DOK6: variants seen among roughly 807,000 people sequenced by gnomAD.
The protein encoded by DOK6 is docking protein 6.
A neutral mutation model predicts 44.0 loss-of-function variants in DOK6; 22 were observed. That is an observed-to-expected ratio of 0.50 (90% confidence interval 0.36 to 0.71). The LOEUF is 0.71. DOK6 is among the 30% of genes least tolerant of loss of function. The pLI, the probability that DOK6 is intolerant of heterozygous loss-of-function variation, is 0.00. For missense variants in DOK6, 340 were observed against 416.4 expected (o/e 0.82, Z 1.60); for synonymous variants, 166 against 145.5 (o/e 1.14, Z -1.01).
At chr18:69,795,156 C>A (rs1980708324) in intron 7 of DOK6, among the ~76,000 whole-genome samples, 1 of 152,102 alleles carries the variant, frequency 6.6e-6, no homozygotes, top group Non-Finnish European at 1.5e-5. Flanking sequence ...GATATAGTTT[C>A]ATTTACAATA....
chr18:69,432,656 A>G (rs1417823457), intron 1 of DOK6, among the ~76,000 whole-genome samples: 1 of 152,220 alleles, frequency 6.6e-6, no homozygotes, highest in Admixed American at 6.5e-5. Flanking sequence ...TTGAGTAATT[A>G]TATAATGACT....
intron 3 of DOK6, among the ~76,000 whole-genome samples, chr18:69,654,790 G>A (rs1985319820): frequency 6.6e-6 from 1 of 152,186 alleles, no homozygotes; most frequent in African/African-American, 2.4e-5. Context: ...GGACACAGTG[G>A]TGCACGCCTG....
At chr18:69,710,598 C>T (rs919867513) in intron 5 of DOK6, among the ~76,000 whole-genome samples, 5 of 151,968 alleles carry the variant, frequency 3.3e-5, no homozygotes, top group South Asian at 2.1e-4. Context: ...TCTTTTGACC[C>T]GAGGAGATAT....
intron 3 of DOK6, among the ~76,000 whole-genome samples, chr18:69,611,103 A>AAG (rs59865503): frequency 0.94 from 142,541 of 152,050 alleles, 67,488 homozygotes; most frequent in East Asian, 1. Context: ...ACAAAAAAGA[A>AAG]AGAAGATAAA....
intron 3 of DOK6, among the ~76,000 whole-genome samples, chr18:69,606,829 T>TCTCGGCCCACTGCAAC (rs1251026355): frequency 5.5e-5 from 8 of 146,062 alleles, no homozygotes; most frequent in Non-Finnish European, 1.2e-4. Flanking sequence ...AGTGGCGCAA[T>TCTCGGCCCACTGCAAC]CTCGGCCCAC....
chr18:69,498,864 A>G (rs969652828), intron 1 of DOK6, among the ~76,000 whole-genome samples: 10 of 152,192 alleles, frequency 6.6e-5, no homozygotes, highest in Non-Finnish European at 1.5e-5. Flanking sequence ...CTGCCTGAAA[A>G]CAAATTTTCC....
chr18:69,832,219 C>A (rs1162255533), intron 7 of DOK6, among the ~76,000 whole-genome samples: 1 of 152,090 alleles, frequency 6.6e-6, no homozygotes, highest in Non-Finnish European at 1.5e-5. Flanking sequence ...ATACCCAATT[C>A]TTTGAGGGTT....
intron 1 of DOK6, among the ~76,000 whole-genome samples, chr18:69,410,892 T>A (rs1459056477): frequency 6.6e-6 from 1 of 152,190 alleles, no homozygotes; most frequent in African/African-American, 2.4e-5. Flanking sequence ...GAGTCAGTTT[T>A]GTATTCTTCA....
intron 1 of DOK6, among the ~76,000 whole-genome samples, chr18:69,528,984 C>G (rs1404125365): frequency 6.6e-6 from 1 of 152,148 alleles, no homozygotes. Flanking sequence ...AACTGCATTT[C>G]TAGAATTCCA....
At chr18:69,824,509 G>A (rs921983614) in intron 7 of DOK6, among the ~76,000 whole-genome samples, 2 of 151,720 alleles carry the variant, frequency 1.3e-5, no homozygotes, top group African/African-American at 2.4e-5. Context: ...ACCAAGGCAC[G>A]TGCCACCATG....
chr18:69,604,453 A>G (rs1983948483), intron 3 of DOK6, among the ~76,000 whole-genome samples: 1 of 152,242 alleles, frequency 6.6e-6, no homozygotes. Context: ...CTGAAGTTAG[A>G]TACAAATGTT....
intron 5 of DOK6, among the ~76,000 whole-genome samples, chr18:69,720,446 G>C (rs915136808): frequency 1.3e-5 from 2 of 152,086 alleles, no homozygotes; most frequent in Admixed American, 1.3e-4. Flanking sequence ...TCAAAAAATT[G>C]CTCAGGTGAT....
At chr18:69,712,183 A>G (rs988858658) in intron 5 of DOK6, among the ~76,000 whole-genome samples, 28 of 143,494 alleles carry the variant, frequency 2.0e-4, no homozygotes, top group Admixed American at 1.0e-3. Context: ...TGGGAGGCTG[A>G]GGCAGGAGAA....
At chr18:69,796,037 T>G (rs1980735388) in intron 7 of DOK6, among the ~76,000 whole-genome samples, 3 of 152,204 alleles carry the variant, frequency 2.0e-5, no homozygotes, top group Admixed American at 1.3e-4. Flanking sequence ...AAGAGAGAAA[T>G]GAAATGTCAC....
rs569812914 is a variant in DOK6, at chr18:69,615,323, G to A, written c.289+15825G>A. 9.2e-5 allele frequency among the ~76,000 whole-genome samples: 14 copies of A among 152,276 alleles called. No individual in the cohort carries two copies. In the East Asian group the frequency reaches 2.7e-3, roughly 29 times the overall value. ...AGTGATGTCAGTCCAGCACTTTTAT[G>A]AACATTCCATTACTTTGGGGATAAT... On this transcript the variant is annotated intron_variant, in intron 3 of 7. Transcript: ENST00000382713.
intron 2 of DOK6, among the ~76,000 whole-genome samples, chr18:69,575,671 G>C (rs150783098): frequency 6.6e-6 from 1 of 152,042 alleles, no homozygotes; most frequent in Admixed American, 6.6e-5. Context: ...AATGTTAAAA[G>C]ACTAAACAGC....
chr18:69,781,229 A>C (rs2145089495), intron 7 of DOK6: 1 of 152,264 alleles, frequency 6.6e-6, no homozygotes, highest in South Asian at 2.1e-4. Context: ...AAAAATAAGA[A>C]GGTTTTGCCA....
chr18:69,491,859 T>C (rs1980743960), intron 1 of DOK6, among the ~76,000 whole-genome samples: 1 of 152,238 alleles, frequency 6.6e-6, no homozygotes, highest in African/African-American at 2.4e-5. Flanking sequence ...TTCTTAACTA[T>C]GCTATCTAAA....
chr18:69,612,440 AGGGCGCATGTGTGCGAGCGTGCATAT>A (rs1984173332), intron 3 of DOK6, among the ~76,000 whole-genome samples: 1 of 146,748 alleles, frequency 6.8e-6, no homozygotes, highest in Non-Finnish European at 1.5e-5. Context: ...CATGTGTGCG[AGGGCGCATGTGTGCGAGCGTGCATAT>A]GTATTTCTTG....
Sources: gnomAD v4.1 joint callset for allele counts (sites outside exome capture counted in the v4.1 genomes callset) on GRCh38, gnomAD v4.1.1 for gene constraint, MANE v1.5 for transcripts, NCBI Gene and HGNC (gene_info 2026-07-23, HGNC 2026-07-21) for gene names.